The following CELF2 variants were observed in gnomAD, a reference collection of about 807,000 sequenced individuals.
CELF2 encodes the protein CUG triplet repeat RNA-binding protein 2.
A neutral mutation model predicts 62.6 loss-of-function variants in CELF2; 8 were observed. The ratio of observed to expected loss-of-function variants is 0.13; its 90% CI spans 0.07 to 0.23. The LOEUF (loss-of-function observed/expected upper bound fraction) is 0.23. Ranked by LOEUF, CELF2 falls within the 10% of genes least tolerant of loss-of-function variation. CELF2 has a pLI of 1.00. For missense variants in CELF2, 333 were observed against 671.0 expected (o/e 0.50, Z 5.56); for synonymous variants, 258 against 250.0 (o/e 1.03, Z -0.30).
At chr10:10,728,804 TTCTC>T in the CELF2 span, among the ~76,000 whole-genome samples, 4 of 151,952 alleles carry the variant, frequency 2.6e-5, no homozygotes, top group Non-Finnish European at 2.9e-5. Context: ...GTAGATTTCT[TTCTC>T]TCTCTCTCTC....
At chr10:10,829,214 C>T (rs1422513223) in intron 1 of CELF2, among the ~76,000 whole-genome samples, 1 of 152,142 alleles carries the variant, frequency 6.6e-6, no homozygotes, top group East Asian at 1.9e-4. Flanking sequence ...TCTTCTTCTC[C>T]GCTTTTGATC....
the CELF2 span, among the ~76,000 whole-genome samples, chr10:10,645,630 G>A: frequency 6.6e-6 from 1 of 152,160 alleles, no homozygotes; most frequent in Non-Finnish European, 1.5e-5. Context: ...CTTCAGCCTA[G>A]GTGCCAGAGC....
At chr10:10,655,271 A>C in the CELF2 span, among the ~76,000 whole-genome samples, 2 of 140,026 alleles carry the variant, frequency 1.4e-5, 1 homozygote, top group Non-Finnish European at 3.1e-5. Flanking sequence ...AGGAAGAATC[A>C]ATATCGTGAA....
intron 1 of CELF2, among the ~76,000 whole-genome samples, chr10:11,057,714 A>G (rs1369689966): frequency 6.6e-6 from 1 of 152,130 alleles, no homozygotes; most frequent in African/African-American, 2.4e-5. Context: ...GGGGATGGTG[A>G]TTGTCAGATT....
At chr10:10,959,024 A>C (rs1409819307) in intron 2 of CELF2, among the ~76,000 whole-genome samples, 1 of 152,156 alleles carries the variant, frequency 6.6e-6, no homozygotes, top group African/African-American at 2.4e-5. Flanking sequence ...TGGGAGGCCG[A>C]GGTAGGCGGA....
chr10:10,854,735 G>A (rs1269194095), intron 1 of CELF2, among the ~76,000 whole-genome samples: 6 of 151,870 alleles, frequency 4.0e-5, no homozygotes, highest in South Asian at 2.1e-4. Context: ...TCTCACCCCT[G>A]TCTTGTGGTA....
chr10:10,857,663 A>ATG (rs2059814988), intron 1 of CELF2, among the ~76,000 whole-genome samples: 2 of 139,438 alleles, frequency 1.4e-5, no homozygotes, highest in African/African-American at 5.3e-5. Context: ...ATATATATAT[A>ATG]TATATATATA....
chr10:10,748,937 G>A, the CELF2 span, among the ~76,000 whole-genome samples: 3 of 152,022 alleles, frequency 2.0e-5, no homozygotes, highest in Non-Finnish European at 2.9e-5. Flanking sequence ...TGCTGTGTTT[G>A]GTGAGTGAGA....
rs1305187293 is a variant in CELF2, at chr10:10,928,866, G to A, written c.89+8867G>A. ...ATTTGTTGTTTGTCCCCAGTGCCTA[G>A]CAGTGCCTGGAACATAGTAGGCACG... is the stretch of plus-strand genomic sequence containing the variant. On this transcript the variant is annotated intron_variant, in intron 2 of 13. Coordinates refer to the CELF2 transcript ENST00000636488. This position sits in a 1 kb window ranked among gnomAD's most constrained non-coding sequence, Gnocchi z 4.8. Among the ~76,000 whole-genome samples the A allele has an allele frequency of 6.6e-6, 1 of 152,196 alleles. No individual in the cohort carries two copies. Among genetic ancestry groups the A allele is most frequent in the Non-Finnish European group, 1.5e-5 (1 of 68,040 alleles).
chr10:10,987,679 C>T (rs1460089116), intron 2 of CELF2, among the ~76,000 whole-genome samples: 2 of 151,948 alleles, frequency 1.3e-5, no homozygotes, highest in Non-Finnish European at 2.9e-5. Flanking sequence ...TAACACATCA[C>T]CTCAGTAGAT....
chr10:11,145,596 A>G lies in CELF2; in HGVS notation c.75-19890A>G, dbSNP rs969820596. Among the ~76,000 whole-genome samples the G allele has an allele frequency of 4.6e-5, 7 of 152,230 alleles. No homozygotes were observed. The highest frequency in any genetic ancestry group is 7.3e-5 in the Non-Finnish European group (5 of 68,038). On this transcript the variant is annotated intron_variant, in intron 1 of 12. Transcript: ENST00000633077. The surrounding 1 kb of genome is among the most constrained non-coding windows in gnomAD (Gnocchi z 4.3). ...AAGGGTGGGGACGCTGAAGGCAGGA[A>G]GTGGAGAGCGGAAGTGAGCTGTGGG...
At chr10:10,544,843 C>G in the CELF2 span, among the ~76,000 whole-genome samples, 3 of 152,202 alleles carry the variant, frequency 2.0e-5, no homozygotes, top group Non-Finnish European at 4.4e-5. Flanking sequence ...TCGAACAACC[C>G]TTCCAATAGC....
chr10:10,741,586 A>G, the CELF2 span, among the ~76,000 whole-genome samples: 2 of 150,162 alleles, frequency 1.3e-5, no homozygotes, highest in Non-Finnish European at 3.0e-5. Flanking sequence ...AGTTTGTCTG[A>G]TGTGCTCTCC....
chr10:11,148,089 C>T (rs2062612224), intron 1 of CELF2, among the ~76,000 whole-genome samples: 2 of 152,212 alleles, frequency 1.3e-5, no homozygotes, highest in African/African-American at 2.4e-5. Context: ...GACCCCAGTC[C>T]GGCAAGAAGA....
At chr10:10,649,514 T>C in the CELF2 span, among the ~76,000 whole-genome samples, 1 of 151,818 alleles carries the variant, frequency 6.6e-6, no homozygotes, top group Non-Finnish European at 1.5e-5. Context: ...CATACAGATA[T>C]ATCTTAGGGA....
At chr10:10,628,929 C>G in the CELF2 span, among the ~76,000 whole-genome samples, 4 of 152,196 alleles carry the variant, frequency 2.6e-5, no homozygotes, top group African/African-American at 7.2e-5. Context: ...AGGATCCTGA[C>G]TATAAATAAG....
intron 1 of CELF2, among the ~76,000 whole-genome samples, chr10:10,835,028 A>G (rs370388421): frequency 1.1e-4 from 17 of 151,814 alleles, no homozygotes; most frequent in African/African-American, 3.6e-4. Flanking sequence ...TCTACCTCCC[A>G]TTTTTCTTAC....
intron 5 of CELF2, 92 bp from the exon 6 acceptor site, chr10:11,266,506 T>G (rs1590167125): frequency 7.0e-6 from 6 of 854,124 alleles, no homozygotes. Context: ...CTTGTGGCAG[T>G]TCTCGTAGAC....
Position 11,333,258 on chromosome 10 carries a change from G to C in CELF2, c.*4205G>C, listed in dbSNP as rs2096062708. On this transcript the variant is annotated 3_prime_UTR_variant, in exon 13 of 13. Coordinates refer to ENST00000633077, the MANE Select transcript of CELF2 (RefSeq NM_001326342.2). ...TCTCCAAAAAATAACCTTCCACAGA[G>C]ACAAACTGTCCTTCTATCCACTTTT... 1 of 152,418 alleles carries C rather than the reference G, an allele frequency of 6.6e-6. No individual in the cohort carries two copies. The highest frequency in any genetic ancestry group is 2.4e-5 in the African/African-American group (1 of 41,410). 9.4% of individuals were successfully genotyped at this position (152,418 alleles called of 1,614,324 possible).
Sources: gnomAD v4.1 joint callset for allele counts (sites outside exome capture counted in the v4.1 genomes callset) on GRCh38, gnomAD v4.1.1 for gene constraint, Gnocchi (gnomAD v3.1) non-coding constraint, MANE v1.5 for transcripts, NCBI Gene and HGNC (gene_info 2026-07-23, HGNC 2026-07-21) for gene names.